Variants in CELF2 observed in about 807,000 individuals in gnomAD.
The protein encoded by CELF2 is CUGBP Elav-like family member 2, also known as CUG triplet repeat RNA-binding protein 2.
In CELF2, 8 loss-of-function variants were observed where a neutral mutation model predicts 62.6. The observed-to-expected ratio is 0.13, with a 90% CI of 0.07 to 0.23. CELF2 has a LOEUF of 0.23. Ranked by LOEUF, CELF2 falls within the 10% of genes least tolerant of loss-of-function variation. The pLI, the probability that CELF2 is intolerant of heterozygous loss-of-function variation, is 1.00. For missense variants in CELF2, 333 were observed against 671.0 expected (o/e 0.50, Z 5.56); for synonymous variants, 258 against 250.0 (o/e 1.03, Z -0.30).
chr10:11,244,087 C>T lies in CELF2; in HGVS notation c.355-5066C>T, dbSNP rs2074864588. On this transcript the variant is annotated intron_variant, in intron 3 of 12. Coordinates refer to ENST00000633077, the MANE Select transcript of CELF2 (RefSeq NM_001326342.2). The surrounding 1 kb of genome is among the most constrained non-coding windows in gnomAD (Gnocchi z 4.2). ...AGATCCTGCCTCCAGCCCCATCTAG[C>T]TCTGGCAGCAGGGAGGGCCAGGGTC... Among the ~76,000 whole-genome samples, 1 of 152,228 alleles carries T rather than the reference C, an allele frequency of 6.6e-6. No homozygotes were observed. The highest frequency in any genetic ancestry group is 2.1e-4 in the South Asian group (1 of 4,828).
the CELF2 span, among the ~76,000 whole-genome samples, chr10:10,603,425 A>T: frequency 6.6e-6 from 1 of 152,172 alleles, no homozygotes; most frequent in Non-Finnish European, 1.5e-5. Context: ...ACAGCTGAGG[A>T]AGCAGCCTGA....
At chr10:10,622,971 A>T in the CELF2 span, among the ~76,000 whole-genome samples, 1 of 151,696 alleles carries the variant, frequency 6.6e-6, no homozygotes, top group Non-Finnish European at 1.5e-5. Context: ...TAGTCCCAGC[A>T]GCTACTCAGG....
At chr10:10,772,341 T>C in the CELF2 span, among the ~76,000 whole-genome samples, 19 of 152,352 alleles carry the variant, frequency 1.2e-4, no homozygotes, top group South Asian at 3.3e-3. Flanking sequence ...GTTTCAACTG[T>C]AAAATGTAAA....
intron 1 of CELF2, among the ~76,000 whole-genome samples, chr10:10,906,371 C>T (rs529950324): frequency 1.4e-4 from 22 of 152,320 alleles, no homozygotes; most frequent in African/African-American, 2.2e-4. Flanking sequence ...CAGCACTTTG[C>T]GCCAGCCACT....
the CELF2 span, among the ~76,000 whole-genome samples, chr10:10,529,554 C>T: frequency 5.8e-4 from 88 of 151,790 alleles, 1 homozygote; most frequent in East Asian, 0.012. Context: ...TGTGGTGGTG[C>T]GCGTCTGTAA....
At chr10:11,065,667 A>G (rs1419275479) in intron 1 of CELF2, among the ~76,000 whole-genome samples, 5 of 151,524 alleles carry the variant, frequency 3.3e-5, no homozygotes, top group African/African-American at 1.2e-4. Flanking sequence ...AAACATGTTT[A>G]TGGAGCATCA....
At chr10:10,616,584 G>A in the CELF2 span, among the ~76,000 whole-genome samples, 1 of 151,564 alleles carries the variant, frequency 6.6e-6, no homozygotes, top group South Asian at 2.1e-4. Context: ...ATGCACTCAA[G>A]ACACTTTTTA....
chr10:10,792,045 GGGAGGAAGGAAGGAA>G, the CELF2 span, among the ~76,000 whole-genome samples: 1 of 126,158 alleles, frequency 7.9e-6, no homozygotes, highest in Non-Finnish European at 1.8e-5. Flanking sequence ...GAGGGAGAGA[GGGAGGAAGGAAGGAA>G]GGAGGGAGGA....
chr10:10,706,786 AC>A, the CELF2 span, among the ~76,000 whole-genome samples: 1 of 152,126 alleles, frequency 6.6e-6, no homozygotes, highest in Non-Finnish European at 1.5e-5. Context: ...AAGTCCAGTG[AC>A]CTTTCTTTGC....
At chr10:10,858,467 C>G (rs1011312828) in intron 1 of CELF2, among the ~76,000 whole-genome samples, 3 of 152,114 alleles carry the variant, frequency 2.0e-5, no homozygotes, top group Non-Finnish European at 4.4e-5. Context: ...GAATGTGTGG[C>G]CATTTGTAAC....
chr10:10,873,574 A>G (rs2133446988), intron 1 of CELF2, among the ~76,000 whole-genome samples: 1 of 152,308 alleles, frequency 6.6e-6, no homozygotes. Flanking sequence ...CCCCAAGCGT[A>G]TTGTTACCTC....
At chr10:10,864,291 C>T (rs538485943) in intron 1 of CELF2, among the ~76,000 whole-genome samples, 1 of 151,774 alleles carries the variant, frequency 6.6e-6, no homozygotes, top group Non-Finnish European at 1.5e-5. Context: ...AAAACTACAT[C>T]ATTTCTCCAG....
intron 2 of CELF2, among the ~76,000 whole-genome samples, chr10:10,968,471 G>A (rs1055318798): frequency 6.6e-6 from 1 of 152,138 alleles, no homozygotes; most frequent in African/African-American, 2.4e-5. Context: ...TTGTCGAAAT[G>A]GAGAAATGAG....
intron 2 of CELF2, among the ~76,000 whole-genome samples, chr10:11,197,178 A>G (rs544081539): frequency 5.3e-5 from 8 of 152,070 alleles, no homozygotes; most frequent in South Asian, 2.1e-4. Context: ...CATTTTCTTC[A>G]TTTTACACGG....
intron 1 of CELF2, among the ~76,000 whole-genome samples, chr10:11,094,752 C>T (rs901880403): frequency 5.9e-5 from 9 of 152,182 alleles, no homozygotes; most frequent in African/African-American, 1.4e-4. Flanking sequence ...TGAATCTTCA[C>T]GAGGAAGAAT....
At chr10:10,607,240 A>T in the CELF2 span, among the ~76,000 whole-genome samples, 2 of 152,136 alleles carry the variant, frequency 1.3e-5, no homozygotes, top group Non-Finnish European at 2.9e-5. Flanking sequence ...GGTGCACCTC[A>T]TCATGTGGTT....
chr10:10,889,554 A>G (rs2061991064), intron 1 of CELF2, among the ~76,000 whole-genome samples: 1 of 152,240 alleles, frequency 6.6e-6, no homozygotes, highest in South Asian at 2.1e-4. Flanking sequence ...AACATGCAAG[A>G]TTCAGGTGCT....
chr10:10,683,944 C>T, the CELF2 span, among the ~76,000 whole-genome samples: 1 of 152,138 alleles, frequency 6.6e-6, no homozygotes, highest in Non-Finnish European at 1.5e-5. Context: ...TTCCTCTTGA[C>T]TGTTTCTCTT....
At chr10:10,741,353 A>G in the CELF2 span, among the ~76,000 whole-genome samples, 1 of 152,072 alleles carries the variant, frequency 6.6e-6, no homozygotes, top group Non-Finnish European at 1.5e-5. Context: ...TCTTCTAAAA[A>G]TACAAAAATT....
Sources: allele counts gnomAD v4.1 joint callset (sites outside exome capture counted in the v4.1 genomes callset), GRCh38; gene constraint gnomAD v4.1.1; non-coding constraint Gnocchi (gnomAD v3.1); transcripts MANE v1.5; gene names NCBI Gene and HGNC (gene_info 2026-07-23, HGNC 2026-07-21).